PDE4D: variants seen among roughly 807,000 people sequenced by gnomAD.
The protein encoded by PDE4D is 3',5'-cyclic-AMP phosphodiesterase 4D.
In PDE4D, 24 loss-of-function variants were observed where a neutral mutation model predicts 87.4. The ratio of observed to expected loss-of-function variants is 0.27; its 90% CI spans 0.20 to 0.39. PDE4D has a LOEUF of 0.39. Ranked by LOEUF, PDE4D falls within the 10% of genes least tolerant of loss-of-function variation. The pLI is 1.00. For synonymous variants in PDE4D, 384 were observed against 383.2 expected, an observed-to-expected ratio of 1.00 and a Z score of -0.02; for missense variants, 714 against 1,041.0, an observed-to-expected ratio of 0.69 and a Z score of 4.32.
intron 1 of PDE4D, among the ~76,000 whole-genome samples, chr5:59,377,622 A>T (rs1784955158): frequency 6.6e-6 from 1 of 152,162 alleles, no homozygotes; most frequent in Non-Finnish European, 1.5e-5. Context: ...GAACTTAAAC[A>T]AATTTACAAG....
intron 4 of PDE4D, among the ~76,000 whole-genome samples, chr5:59,184,843 T>C (rs995881736): frequency 1.3e-5 from 2 of 152,282 alleles, no homozygotes; most frequent in South Asian, 4.1e-4. Flanking sequence ...GACTTTCAGC[T>C]GATCTTAAGG....
chr5:59,947,628 G>A (rs1259491869), intron 3 of PDE4D, among the ~76,000 whole-genome samples: 1 of 152,184 alleles, frequency 6.6e-6, no homozygotes, highest in African/African-American at 2.4e-5. Context: ...GTGAAATGTA[G>A]ATACTGATAG....
At chr5:59,744,275 T>C (rs1759288085) in intron 1 of PDE4D, among the ~76,000 whole-genome samples, 1 of 152,152 alleles carries the variant, frequency 6.6e-6, no homozygotes, top group Admixed American at 6.6e-5. Flanking sequence ...CACTGTACTG[T>C]ATGCAAGCAG....
chr5:60,033,816 G>C (rs1365835613), intron 2 of PDE4D, among the ~76,000 whole-genome samples: 4 of 152,190 alleles, frequency 2.6e-5, no homozygotes, highest in Non-Finnish European at 5.9e-5. Flanking sequence ...TGAAAGTAAA[G>C]CACCCAGAGA....
chr5:59,693,086 T>A (rs567074042), intron 1 of PDE4D, among the ~76,000 whole-genome samples: 1 of 152,038 alleles, frequency 6.6e-6, no homozygotes, highest in Non-Finnish European at 1.5e-5. Flanking sequence ...TTAAAAATTA[T>A]AAAGTTGTTC....
intron 2 of PDE4D, among the ~76,000 whole-genome samples, chr5:59,195,451 G>C (rs1481086804): frequency 1.3e-5 from 2 of 152,210 alleles, no homozygotes; most frequent in African/African-American, 2.4e-5. Flanking sequence ...AGCAGATACA[G>C]AGCTGCAACG....
chr5:59,078,143 G>A lies in PDE4D; in HGVS notation c.809-39172C>T, dbSNP rs552066898. Among the ~76,000 whole-genome samples, 22 of 152,104 alleles carry A rather than the reference G, an allele frequency of 1.4e-4. No individual in the cohort carries two copies. The South Asian group carries it at 4.6e-3, about 32-fold the overall frequency. On this transcript the variant is annotated intron_variant, in intron 5 of 14. Coordinates refer to ENST00000340635, the MANE Select transcript of PDE4D (RefSeq NM_001104631.2). Reference sequence around the variant, plus strand: ...TTTAAAAACCAATGTAATACACAAGGAAGTATGCACGACAATGTTTAGTGT... The same window carrying A: ...TTTAAAAACCAATGTAATACACAAGAAAGTATGCACGACAATGTTTAGTGT...
chr5:59,036,795 C>T (rs555186926), intron 6 of PDE4D, among the ~76,000 whole-genome samples: 82 of 152,264 alleles, frequency 5.4e-4, no homozygotes, highest in Admixed American at 2.0e-3. Context: ...ATTAGTGTGA[C>T]AGCAATAATT....
chr5:60,234,139 A>G (rs1746140137), intron 1 of PDE4D, among the ~76,000 whole-genome samples: 1 of 151,846 alleles, frequency 6.6e-6, no homozygotes, highest in Non-Finnish European at 1.5e-5. Flanking sequence ...GGAAGACACT[A>G]ATCAACTTTC....
chr5:59,603,776 T>A (rs1179628101), intron 1 of PDE4D, among the ~76,000 whole-genome samples: 1 of 151,982 alleles, frequency 6.6e-6, no homozygotes, highest in Non-Finnish European at 1.5e-5. Flanking sequence ...GCAAGTGTGA[T>A]ATTGATCAAA....
At chr5:59,443,808 A>G (rs1275938809) in intron 1 of PDE4D, among the ~76,000 whole-genome samples, 1 of 152,248 alleles carries the variant, frequency 6.6e-6, no homozygotes, top group Admixed American at 6.5e-5. Context: ...TAACCAGTCA[A>G]TGGAGAAGTG....
At chr5:60,217,302 T>C (rs1263059093) in intron 1 of PDE4D, among the ~76,000 whole-genome samples, 4 of 151,994 alleles carry the variant, frequency 2.6e-5, no homozygotes, top group Admixed American at 2.0e-4. Context: ...GTTTTGGTTT[T>C]ATAAAATAAA....
intron 1 of PDE4D, among the ~76,000 whole-genome samples, chr5:59,701,258 T>C (rs1752512700): frequency 6.6e-6 from 1 of 152,136 alleles, no homozygotes; most frequent in Admixed American, 6.5e-5. Flanking sequence ...AAGGTTAGGT[T>C]CTGCTTTTTG....
At chr5:59,532,308 C>A (rs1406460364) in intron 1 of PDE4D, among the ~76,000 whole-genome samples, 8 of 151,948 alleles carry the variant, frequency 5.3e-5, no homozygotes, top group Admixed American at 5.2e-4. Flanking sequence ...CAGCTAATTT[C>A]TGTATTTTTA....
intron 11 of PDE4D, among the ~76,000 whole-genome samples, chr5:58,977,968 T>C (rs1744198209): frequency 6.6e-6 from 1 of 152,134 alleles, no homozygotes; most frequent in Non-Finnish European, 1.5e-5. Context: ...AGCTTCACAG[T>C]GATGTTGTGT....
chr5:59,045,540 C>T (rs1159400399), intron 5 of PDE4D, among the ~76,000 whole-genome samples: 7 of 75,884 alleles, frequency 9.2e-5, no homozygotes, highest in Non-Finnish European at 1.0e-4. Context: ...GCAACAAGAG[C>T]ATAAAAACTC....
chr5:59,183,395 G>A (rs990771978), intron 4 of PDE4D, among the ~76,000 whole-genome samples: 2 of 152,138 alleles, frequency 1.3e-5, no homozygotes, highest in Non-Finnish European at 2.9e-5. Context: ...TATGTCAGCT[G>A]AAAACTTCTG....
intron 2 of PDE4D, among the ~76,000 whole-genome samples, chr5:60,044,139 G>C (rs893296982): frequency 2.7e-4 from 41 of 151,856 alleles, no homozygotes; most frequent in African/African-American, 9.7e-4. Context: ...TTTTCAAATA[G>C]CTAAAAGAGG....
chr5:60,497,394 T>A (rs1037059301), intron 1 of PDE4D, among the ~76,000 whole-genome samples: 3 of 150,984 alleles, frequency 2.0e-5, no homozygotes, highest in African/African-American at 4.9e-5. Context: ...TTTGTCTTTC[T>A]TTTTTTTTGT....
Sources: allele counts gnomAD v4.1 joint callset (sites outside exome capture counted in the v4.1 genomes callset), GRCh38; gene constraint gnomAD v4.1.1; transcripts MANE v1.5; gene names NCBI Gene and HGNC (gene_info 2026-07-23, HGNC 2026-07-21).